TGIF1: variants seen among roughly 807,000 people sequenced by gnomAD.
TGIF1 encodes TGFB induced factor homeobox 1.
In TGIF1, 4 loss-of-function variants were observed where a neutral mutation model predicts 19.3. The observed-to-expected ratio is 0.21, with a 90% CI of 0.10 to 0.47. The LOEUF (loss-of-function observed/expected upper bound fraction) is 0.47, where lower values mean the gene tolerates loss of function less well. TGIF1 is among the 20% of genes least tolerant of loss of function. The probability of loss-of-function intolerance (pLI) is 0.98; values close to 1 mark genes in which losing one functional copy is unlikely to be tolerated. For missense variants in TGIF1, 275 were observed against 341.4 expected (o/e 0.81, Z 1.53); for synonymous variants, 122 against 129.3 (o/e 0.94, Z 0.38).
chr18:3,449,817 G>T, upstream of TGIF1: 1 of 985,682 alleles, frequency 1.0e-6, no homozygotes, highest in Non-Finnish European at 1.2e-6. Flanking sequence ...AAGGAGGGAG[G>T]TGTCCTTTTT....
chr18:3,438,768 G>A (rs967048823), intron 2 of TGIF1, among the ~76,000 whole-genome samples: 11 of 152,116 alleles, frequency 7.2e-5, no homozygotes, highest in East Asian at 1.9e-4. Context: ...ATCAAGGCGC[G>A]TAGTCTGACC....
intron 2 of TGIF1, among the ~76,000 whole-genome samples, chr18:3,429,972 T>C (rs548406784): frequency 2.0e-5 from 3 of 152,294 alleles, no homozygotes; most frequent in African/African-American, 7.2e-5. Context: ...CTAGCCAACA[T>C]GGCAAAACCC....
At chr18:3,421,678 T>C (rs1001881175) in intron 2 of TGIF1, among the ~76,000 whole-genome samples, 14 of 151,930 alleles carry the variant, frequency 9.2e-5, no homozygotes, top group Non-Finnish European at 1.8e-4. Flanking sequence ...GCCTAAAGTG[T>C]TGGGATTACA....
intron 2 of TGIF1, among the ~76,000 whole-genome samples, chr18:3,440,317 A>G (rs2082665968): frequency 6.6e-6 from 1 of 151,526 alleles, no homozygotes. Context: ...GTGCCACTGC[A>G]CTCCAACCTG....
Position 3,413,745 on chromosome 18 carries a change from A to C in TGIF1, c.-118+1491A>C, listed in dbSNP as rs138421885. Among the ~76,000 whole-genome samples, 904 of 152,238 alleles carry C rather than the reference A, an allele frequency of 5.9e-3. 1 individual carries two copies. Among genetic ancestry groups the C allele is most frequent in the African/African-American group, 0.02 (834 of 41,544 alleles). On this transcript the variant is annotated intron_variant, in intron 1 of 3. Transcript: ENST00000401449. ...AAAAAAAAATTTTTTTCTGATTACA[A>C]ATGAGACTTTTCTCTCCTTCATGGT...
At chr18:3,449,722 G>C (rs1475589691), upstream of TGIF1, 1 of 985,454 alleles carries the variant, frequency 1.0e-6, no homozygotes, top group East Asian at 1.1e-4. Context: ...CGGCTGTCTC[G>C]TGCGGCTAGA....
At chr18:3,425,394 G>C in intron 2 of TGIF1, among the ~76,000 whole-genome samples, 1 of 152,196 alleles carries the variant, frequency 6.6e-6, no homozygotes, top group African/African-American at 2.4e-5. Flanking sequence ...AGGAGGATGA[G>C]AGGGGCCTGA....
At chr18:3,421,639 C>T (rs1008711059) in intron 2 of TGIF1, among the ~76,000 whole-genome samples, 1 of 151,668 alleles carries the variant, frequency 6.6e-6, no homozygotes, top group Non-Finnish European at 1.5e-5. Context: ...CTCGAACTCC[C>T]GACCTCAGGT....
intron 1 of TGIF1, chr18:3,418,064 G>A (rs925669123): frequency 7.2e-5 from 11 of 152,044 alleles, no homozygotes; most frequent in African/African-American, 2.7e-4. Flanking sequence ...TTGTCTATCG[G>A]TGAAGGGCCC....
At chr18:3,448,106 C>G (rs915288260), upstream of TGIF1, 27 of 928,340 alleles carry the variant, frequency 2.9e-5, no homozygotes, top group Non-Finnish European at 3.1e-5. Flanking sequence ...CGACCGAAGG[C>G]GTGTTTTGTG....
intron 2 of TGIF1, among the ~76,000 whole-genome samples, chr18:3,427,956 G>T (rs934072981): frequency 2.0e-5 from 3 of 152,198 alleles, no homozygotes; most frequent in Non-Finnish European, 4.4e-5. Context: ...TATGGCTGCC[G>T]TTCTCAAAAC....
chr18:3,412,793 T>C (rs1379244501), intron 1 of TGIF1: 1 of 152,026 alleles, frequency 6.6e-6, no homozygotes, highest in African/African-American at 2.4e-5. Flanking sequence ...TCGTTAGAGC[T>C]GATGATAAAA....
intron 2 of TGIF1, among the ~76,000 whole-genome samples, chr18:3,434,664 G>A (rs532402816): frequency 6.6e-6 from 1 of 152,364 alleles, no homozygotes; most frequent in African/African-American, 2.4e-5. Flanking sequence ...GCAGTGAGCT[G>A]AGATTGCACC....
At position 3,440,571 on chromosome 18, in the gene TGIF1, C is replaced by T. The variant is rs1200756151; in HGVS notation, c.-44-15783C>T. 2.0e-5 allele frequency among the ~76,000 whole-genome samples: 3 copies of T among 152,276 alleles called. No individual in the cohort carries two copies. The East Asian group carries it at 5.8e-4, about 29-fold the overall frequency. On this transcript the variant is annotated intron_variant, in intron 2 of 3. Transcript: ENST00000401449. ...ATGGCTCTTGGACTCCAGACACTGA[C>T]TTCAACTTACCACTTTCCGCCCCGA...
chr18:3,415,304 T>A (rs1158823616), intron 1 of TGIF1: 1 of 281,792 alleles, frequency 3.5e-6, no homozygotes, highest in Non-Finnish European at 7.6e-6. Context: ...GAGGGTTCGG[T>A]GTCCACACAC....
chr18:3,452,413 G>A (rs749102051), intron 1 of TGIF1: 85 of 1,612,832 alleles, frequency 5.3e-5, no homozygotes, highest in Non-Finnish European at 6.7e-5. Context: ...CTTTGCGACT[G>A]GTTCAGGGCT....
At chr18:3,432,801 C>T (rs2082565601) in intron 2 of TGIF1, among the ~76,000 whole-genome samples, 1 of 151,814 alleles carries the variant, frequency 6.6e-6, no homozygotes, top group South Asian at 2.1e-4. Flanking sequence ...CACTTGTTTC[C>T]CAGGCTGGAG....
chr18:3,417,452 G>A (rs1232922824), intron 1 of TGIF1, among the ~76,000 whole-genome samples: 2 of 151,844 alleles, frequency 1.3e-5, no homozygotes, highest in Non-Finnish European at 2.9e-5. Flanking sequence ...GAGCCACCGT[G>A]CCTACCCTGT....
At position 3,451,532 on chromosome 18, in the gene TGIF1, A is replaced by C; in HGVS notation, c.16+1027A>C. 1 of 1,002,306 alleles carries C rather than the reference A, an allele frequency of 1.0e-6. No individual in the cohort carries two copies. Among genetic ancestry groups the C allele is most frequent in the African/African-American group, 1.7e-5 (1 of 57,908 alleles). 62.1% of individuals were successfully genotyped at this position (1,002,306 alleles called of 1,614,324 possible). On this transcript the variant is annotated intron_variant, in intron 1 of 2. Coordinates refer to ENST00000343820, the MANE Select transcript of TGIF1 (RefSeq NM_003244.4). The surrounding 1 kb of genome is among the most constrained non-coding windows in gnomAD (Gnocchi z 5.4). ...CAAAACAGAAGTTAATCACTCGGGA[A>C]GCGGACGGGAGGGGCGGCGCTACTG...
Sources: allele counts gnomAD v4.1 joint callset (sites outside exome capture counted in the v4.1 genomes callset), GRCh38; gene constraint gnomAD v4.1.1; non-coding constraint Gnocchi (gnomAD v3.1); transcripts MANE v1.5; gene names NCBI Gene and HGNC (gene_info 2026-07-23, HGNC 2026-07-21).